CNTNAP2: variants seen among roughly 807,000 people sequenced by gnomAD.
CNTNAP2 encodes the protein contactin-associated protein-like 2.
Under a neutral mutation model 155.2 loss-of-function variants are expected in CNTNAP2, and 98 were observed. The ratio of observed to expected loss-of-function variants is 0.63; its 90% CI spans 0.54 to 0.75. CNTNAP2 has a LOEUF of 0.75. CNTNAP2 is among the 30% of genes least tolerant of loss of function. The pLI is 0.00. For missense variants in CNTNAP2, 1,727 were observed against 1,688.1 expected, an observed-to-expected ratio of 1.02 and a Z score of -0.40; for synonymous variants, 651 against 631.2, an observed-to-expected ratio of 1.03 and a Z score of -0.47.
At chr7:147,841,742 G>A (rs1200718972) in intron 13 of CNTNAP2, among the ~76,000 whole-genome samples, 2 of 152,222 alleles carry the variant, frequency 1.3e-5, no homozygotes, top group African/African-American at 4.8e-5. Context: ...CTGAAATGTT[G>A]AAGAATGCAA....
rs1233207205 is a variant in CNTNAP2 at position 146,665,854 on chromosome 7, G to A, written c.98-108417G>A. Among the ~76,000 whole-genome samples, 3 of 130,048 alleles carry A rather than the reference G, an allele frequency of 2.3e-5. No homozygotes were observed. In the East Asian group the frequency reaches 6.8e-4, roughly 29 times the overall value. 85.3% of individuals were successfully genotyped at this position (130,048 alleles called of 152,430 possible). A position where few individuals can be genotyped will look rare whatever the true frequency, so the allele number is the denominator to read the frequency against. ...TTTATAACACTTTTAAAATTATATT[G>A]TCTTAAACTGACATAAAAATATTTA... On this transcript the variant is annotated intron_variant, in intron 1 of 23. Coordinates refer to ENST00000361727, the MANE Select transcript of CNTNAP2 (RefSeq NM_014141.6).
chr7:146,469,370 T>C (rs1287238021), intron 1 of CNTNAP2, among the ~76,000 whole-genome samples: 2 of 151,262 alleles, frequency 1.3e-5, no homozygotes, highest in African/African-American at 4.9e-5. Flanking sequence ...TGAGAAAATG[T>C]TGGAAGCATT....
At chr7:148,061,707 G>T (rs1217224137) in intron 15 of CNTNAP2, among the ~76,000 whole-genome samples, 1 of 151,884 alleles carries the variant, frequency 6.6e-6, no homozygotes, top group Admixed American at 6.6e-5. Context: ...ACCAGAATGG[G>T]GGAGGAAATG....
intron 1 of CNTNAP2, among the ~76,000 whole-genome samples, chr7:146,753,518 T>G (rs992844522): frequency 6.6e-6 from 1 of 152,056 alleles, no homozygotes; most frequent in African/African-American, 2.4e-5. Flanking sequence ...AGAACTGTTA[T>G]ACAGAAATAT....
At chr7:146,679,214 G>C (rs1460268851) in intron 1 of CNTNAP2, among the ~76,000 whole-genome samples, 1 of 151,978 alleles carries the variant, frequency 6.6e-6, no homozygotes, top group South Asian at 2.1e-4. Flanking sequence ...ATGTGCCCAT[G>C]TGTTCCCATC....
intron 8 of CNTNAP2, among the ~76,000 whole-genome samples, chr7:147,139,688 A>T (rs1801556875): frequency 6.6e-6 from 1 of 152,042 alleles, no homozygotes; most frequent in African/African-American, 2.4e-5. Context: ...TAGATGTGGA[A>T]ATCAGCCTTC....
intron 3 of CNTNAP2, among the ~76,000 whole-genome samples, chr7:146,935,185 A>T (rs1189333428): frequency 6.6e-6 from 1 of 152,148 alleles, no homozygotes; most frequent in Non-Finnish European, 1.5e-5. Context: ...TTTTCCCAAG[A>T]TCATGAATCA....
intron 1 of CNTNAP2, among the ~76,000 whole-genome samples, chr7:146,567,072 A>C (rs1220088801): frequency 2.0e-5 from 3 of 152,208 alleles, no homozygotes; most frequent in Non-Finnish European, 4.4e-5. Context: ...CATACTGTAT[A>C]GTTGTGAATA....
At chr7:146,817,063 TG>T (rs1191162886) in intron 2 of CNTNAP2, among the ~76,000 whole-genome samples, 1 of 152,202 alleles carries the variant, frequency 6.6e-6, no homozygotes, top group African/African-American at 2.4e-5. Context: ...TTAGAGTTGA[TG>T]GACGACCAGG....
At chr7:147,546,169 C>T (rs567959502) in intron 11 of CNTNAP2, among the ~76,000 whole-genome samples, 34 of 152,234 alleles carry the variant, frequency 2.2e-4, no homozygotes, top group African/African-American at 7.9e-4. Context: ...GCCATATGAT[C>T]AGACCCAGAA....
chr7:147,425,571 C>A (rs150697085), intron 10 of CNTNAP2, among the ~76,000 whole-genome samples: 1 of 152,060 alleles, frequency 6.6e-6, no homozygotes, highest in African/African-American at 2.4e-5. Flanking sequence ...CATCTATTTG[C>A]TCTCCACCCC....
At chr7:146,153,268 C>T (rs544818164) in intron 1 of CNTNAP2, among the ~76,000 whole-genome samples, 19 of 152,184 alleles carry the variant, frequency 1.2e-4, no homozygotes, top group Admixed American at 3.9e-4. Context: ...AACTAATTAT[C>T]GAGTACAGTT....
chr7:148,165,412 C>CAAA (rs1554399616), intron 17 of CNTNAP2, among the ~76,000 whole-genome samples: 12 of 152,108 alleles, frequency 7.9e-5, no homozygotes, highest in Non-Finnish European at 7.4e-5. Context: ...TGAGGGGACA[C>CAAA]AGTTCAGTCC....
chr7:147,293,482 A>G (rs1805356243), intron 8 of CNTNAP2, among the ~76,000 whole-genome samples: 3 of 152,164 alleles, frequency 2.0e-5, no homozygotes, highest in Non-Finnish European at 4.4e-5. Context: ...TTAATAAGAT[A>G]TATTAGTAAC....
chr7:146,451,379 A>G (rs145481046), intron 1 of CNTNAP2, among the ~76,000 whole-genome samples: 475 of 152,252 alleles, frequency 3.1e-3, no homozygotes, highest in Middle Eastern at 0.01. Flanking sequence ...GCATTAACTC[A>G]ATCAAACCAT....
At chr7:148,112,415 G>T (rs1036803054) in intron 15 of CNTNAP2, among the ~76,000 whole-genome samples, 40 of 148,628 alleles carry the variant, frequency 2.7e-4, no homozygotes, top group African/African-American at 4.9e-4. Context: ...CTAAATTTTA[G>T]TATTATTATT....
chr7:147,597,493 A>C (rs1800846619), intron 12 of CNTNAP2, among the ~76,000 whole-genome samples: 1 of 152,142 alleles, frequency 6.6e-6, no homozygotes, highest in Admixed American at 6.5e-5. Context: ...ATTCTTATTT[A>C]GTCTCTTTCC....
At chr7:147,815,297 A>T (rs973814144) in intron 13 of CNTNAP2, among the ~76,000 whole-genome samples, 18 of 152,064 alleles carry the variant, frequency 1.2e-4, no homozygotes, top group African/African-American at 4.1e-4. Context: ...TGTTAGGAAG[A>T]TGATGTCAAG....
intron 3 of CNTNAP2, among the ~76,000 whole-genome samples, chr7:146,855,393 G>T (rs1268231619): frequency 6.6e-6 from 1 of 152,038 alleles, no homozygotes; most frequent in Non-Finnish European, 1.5e-5. Context: ...GTTATTTCTT[G>T]CCATTGTATT....
Sources: allele counts gnomAD v4.1 joint callset (sites outside exome capture counted in the v4.1 genomes callset), GRCh38; gene constraint gnomAD v4.1.1; transcripts MANE v1.5; gene names NCBI Gene and HGNC (gene_info 2026-07-23, HGNC 2026-07-21).